LRRTM4: variants seen among roughly 807,000 people sequenced by gnomAD.
The protein encoded by LRRTM4 is leucine rich repeat transmembrane neuronal 4.
Under a neutral mutation model 47.6 loss-of-function variants are expected in LRRTM4, and 25 were observed. The ratio of observed to expected loss-of-function variants is 0.53; its 90% CI spans 0.38 to 0.73. The LOEUF (loss-of-function observed/expected upper bound fraction) is 0.73. LRRTM4 is among the 30% of genes least tolerant of loss of function. The probability of loss-of-function intolerance (pLI) is 0.00; values close to 1 mark genes in which losing one functional copy is unlikely to be tolerated. For missense variants in LRRTM4, 638 were observed against 713.4 expected (o/e 0.89, Z 1.20); for synonymous variants, 311 against 269.5 (o/e 1.15, Z -1.51).
chr2:76,922,883 G>C (rs1031207646), intron 3 of LRRTM4, among the ~76,000 whole-genome samples: 6 of 152,054 alleles, frequency 3.9e-5, no homozygotes, highest in African/African-American at 1.4e-4. Flanking sequence ...TCATCTCCTA[G>C]ACGGAGAAAA....
rs575572405 is a variant in LRRTM4, at chr2:77,185,808, C to G, written c.1551+332510G>C. 7.9e-5 allele frequency among the ~76,000 whole-genome samples: 12 copies of G among 152,130 alleles called. No homozygotes were observed. In the South Asian group the frequency reaches 2.3e-3, roughly 29 times the overall value. ...TTCATGAAAACTAAGGTCAAACAGGCCTAGTTTGAATTACTGTTCAGTCAT... is the reference window on the plus strand; with the variant it reads ...TTCATGAAAACTAAGGTCAAACAGGGCTAGTTTGAATTACTGTTCAGTCAT... On this transcript the variant is annotated intron_variant, in intron 3 of 3. Coordinates refer to ENST00000409884, the MANE Select transcript of LRRTM4 (RefSeq NM_001134745.3).
intron 3 of LRRTM4, among the ~76,000 whole-genome samples, chr2:77,221,256 A>T (rs1400057472): frequency 6.6e-6 from 1 of 152,226 alleles, no homozygotes; most frequent in Non-Finnish European, 1.5e-5. Flanking sequence ...AAAACATGCC[A>T]AATTGCAAAG....
intron 3 of LRRTM4, among the ~76,000 whole-genome samples, chr2:77,195,193 A>T (rs1319309457): frequency 6.6e-6 from 1 of 151,936 alleles, no homozygotes; most frequent in Non-Finnish European, 1.5e-5. Context: ...TAAGAGGTTG[A>T]TTGGTGAGGG....
chr2:77,477,199 T>G (rs993645758), intron 3 of LRRTM4, among the ~76,000 whole-genome samples: 3 of 152,122 alleles, frequency 2.0e-5, no homozygotes, highest in African/African-American at 7.2e-5. Flanking sequence ...ATGAAATCAT[T>G]AGCATCATGT....
chr2:77,250,933 A>G (rs2028352), intron 3 of LRRTM4, among the ~76,000 whole-genome samples: 104,222 of 151,704 alleles, frequency 0.69, 36,447 homozygotes, highest in African/African-American at 0.83. Context: ...GAGAAACCCC[A>G]TCTCTACTAA....
chr2:76,937,886 A>T (rs901816271), intron 3 of LRRTM4, among the ~76,000 whole-genome samples: 2 of 152,098 alleles, frequency 1.3e-5, no homozygotes, highest in African/African-American at 2.4e-5. Context: ...ATATATTTTT[A>T]AAAATGAAAC....
Position 77,112,600 on chromosome 2 carries a change from T to TA in LRRTM4, c.1552-363685_1552-363684insT, listed in dbSNP as rs1671280255. 3.0e-5 allele frequency among the ~76,000 whole-genome samples: 3 copies of TA among 99,654 alleles called. No individual in the cohort carries two copies. In the African/African-American group the frequency reaches 3.3e-4, roughly 11 times the overall value. 65.4% of individuals were successfully genotyped at this position (99,654 alleles called of 152,430 possible). On this transcript the variant is annotated intron_variant, in intron 3 of 3. Transcript: ENST00000409884. ...TATGAAAGGTTTAAGCAAGGAGGGA[T>TA]TTTTTTTTTTTACAGAAATGGAGTA...
chr2:77,142,138 TTC>T (rs1672140599), intron 3 of LRRTM4, among the ~76,000 whole-genome samples: 1 of 152,202 alleles, frequency 6.6e-6, no homozygotes, highest in Non-Finnish European at 1.5e-5. Flanking sequence ...AAGCTTGACA[TTC>T]TGGAAAATGG....
chr2:76,838,578 A>G (rs949808559), intron 3 of LRRTM4, among the ~76,000 whole-genome samples: 2 of 152,064 alleles, frequency 1.3e-5, no homozygotes, highest in African/African-American at 2.4e-5. Context: ...TCCCACCTCT[A>G]TTTAATACAT....
chr2:76,961,838 TTTTGC>T (rs1220651754), intron 3 of LRRTM4, among the ~76,000 whole-genome samples: 2 of 151,320 alleles, frequency 1.3e-5, no homozygotes, highest in African/African-American at 4.8e-5. Flanking sequence ...TACTCTAAAA[TTTTGC>T]TTTGTCAATA....
chr2:77,151,131 G>C (rs1377864173), intron 3 of LRRTM4, among the ~76,000 whole-genome samples: 2 of 152,036 alleles, frequency 1.3e-5, no homozygotes, highest in African/African-American at 2.4e-5. Flanking sequence ...GTGTGTGTGT[G>C]TGTGTGTGTG....
At chr2:77,074,148 C>T (rs1680256545) in intron 3 of LRRTM4, among the ~76,000 whole-genome samples, 1 of 152,062 alleles carries the variant, frequency 6.6e-6, no homozygotes, top group Non-Finnish European at 1.5e-5. Context: ...TAACTGGCTC[C>T]AACTTCATCT....
chr2:77,146,462 T>A (rs1240278851), intron 3 of LRRTM4, among the ~76,000 whole-genome samples: 2 of 152,148 alleles, frequency 1.3e-5, no homozygotes, highest in African/African-American at 4.8e-5. Flanking sequence ...GCTAAAAAGT[T>A]AAACCAAGCT....
At chr2:77,319,859 T>C (rs1181549628) in intron 3 of LRRTM4, among the ~76,000 whole-genome samples, 1 of 152,224 alleles carries the variant, frequency 6.6e-6, no homozygotes, top group Non-Finnish European at 1.5e-5. Flanking sequence ...TCATATATGC[T>C]TTACATCTGG....
chr2:77,024,244 GC>G (rs1390464621), intron 3 of LRRTM4, among the ~76,000 whole-genome samples: 1 of 152,108 alleles, frequency 6.6e-6, no homozygotes, highest in Non-Finnish European at 1.5e-5. Flanking sequence ...GGGGCACAGA[GC>G]CAAACCATAT....
intron 3 of LRRTM4, among the ~76,000 whole-genome samples, chr2:77,148,887 G>A (rs1276118770): frequency 6.6e-6 from 1 of 152,144 alleles, no homozygotes; most frequent in Non-Finnish European, 1.5e-5. Context: ...TCATATGGTT[G>A]ACTAAATGTG....
chr2:77,419,338 G>T (rs1294742738), intron 3 of LRRTM4, among the ~76,000 whole-genome samples: 1 of 152,002 alleles, frequency 6.6e-6, no homozygotes, highest in Non-Finnish European at 1.5e-5. Flanking sequence ...TTTGTCCCTC[G>T]GTATCTATGG....
chr2:77,206,638 C>G (rs950127992), intron 3 of LRRTM4, among the ~76,000 whole-genome samples: 5 of 152,000 alleles, frequency 3.3e-5, no homozygotes, highest in African/African-American at 1.2e-4. Context: ...AGCACGCGAC[C>G]ATGCCCAGCT....
At chr2:76,858,928 A>G (rs545205847) in intron 3 of LRRTM4, among the ~76,000 whole-genome samples, 4 of 152,308 alleles carry the variant, frequency 2.6e-5, no homozygotes, top group South Asian at 2.1e-4. Flanking sequence ...TCAAGAAAAT[A>G]TCTCCATCCA....
Sources: gnomAD v4.1 joint callset for allele counts (sites outside exome capture counted in the v4.1 genomes callset) on GRCh38, gnomAD v4.1.1 for gene constraint, MANE v1.5 for transcripts, NCBI Gene and HGNC (gene_info 2026-07-23, HGNC 2026-07-21) for gene names.